The following ZNF518A variants were observed in gnomAD, a reference collection of about 807,000 sequenced individuals.
The protein encoded by ZNF518A is zinc finger protein 518.
In ZNF518A, 47 loss-of-function variants were observed where a neutral mutation model predicts 102.7. The ratio of observed to expected loss-of-function variants is 0.46; its 90% CI spans 0.36 to 0.58. The LOEUF (loss-of-function observed/expected upper bound fraction) is 0.58, where lower values mean the gene tolerates loss of function less well. Among genes scored for constraint, ZNF518A ranks in the 20% least tolerant of loss-of-function variants. The pLI is 0.00. For synonymous variants in ZNF518A, 652 were observed against 594.6 expected, an observed-to-expected ratio of 1.10 and a Z score of -1.40; for missense variants, 1,793 against 1,699.8, an observed-to-expected ratio of 1.05 and a Z score of -0.96.
chr10:96,185,358 G>A (rs782659002), intron 1 of ZNF518A, among the ~76,000 whole-genome samples: 86 of 152,290 alleles, frequency 5.6e-4, no homozygotes, highest in Non-Finnish European at 1.1e-3. Context: ...GCGAGGAGAG[G>A]AGCTGCAATC....
intron 1 of ZNF518A, chr10:96,196,837 C>CTA (rs1187800609): frequency 6.9e-7 from 1 of 1,458,096 alleles, no homozygotes; most frequent in Non-Finnish European, 9.6e-7. Flanking sequence ...TCTCTAGCAT[C>CTA]TAATACAGTA....
In ZNF518A at chr10:96,162,363, G is replaced by C. The variant is rs1354039468; in HGVS notation, c.*1589G>C. On this transcript the variant is annotated 3_prime_UTR_variant, in exon 6 of 6. Transcript: ENST00000316045. ...TTTTTGAGGTAAATTCGTTCTTCAG[G>C]GATTGAACACTATTGTTAGCAAGTG... 6.0e-6 allele frequency: 1 copy of C among 166,640 alleles called. No individual in the cohort carries two copies. Among genetic ancestry groups the C allele is most frequent in the Non-Finnish European group, 1.5e-5 (1 of 67,992 alleles). The allele number at this position is 166,640 out of a possible 1,614,324, so 10.3% of individuals were successfully genotyped here.
At chr10:96,132,793 C>T (rs2081403634) in intron 2 of ZNF518A, 123 bp downstream of exon 2, 2 of 151,918 alleles carry the variant, frequency 1.3e-5, no homozygotes, top group African/African-American at 2.4e-5. Flanking sequence ...ATCCAGAATG[C>T]AAAATTTTTT....
chr10:96,131,582 G>T (rs1413096405), intron 1 of ZNF518A, among the ~76,000 whole-genome samples: 1 of 152,158 alleles, frequency 6.6e-6, no homozygotes, highest in Non-Finnish European at 1.5e-5. Context: ...GCCAACAAAA[G>T]GGGAGAATAA....
chr10:96,140,086 G>C lies in ZNF518A; in HGVS notation c.-302+6438G>C, dbSNP rs112879630. ...TTGGTCAGGCTGGTCTCAAACTCCC[G>C]ACCTCAGGTGATCCACCTGCCTCAG... is the stretch of plus-strand genomic sequence containing the variant. On this transcript the variant is annotated intron_variant, in intron 3 of 5. Transcript: ENST00000316045. 3.7e-4 allele frequency among the ~76,000 whole-genome samples: 57 copies of C among 152,158 alleles called. 2 individuals carry two copies. The highest frequency in any genetic ancestry group is 1.3e-3 in the African/African-American group (54 of 41,494).
At chr10:96,149,696 T>G (rs987617340) in intron 3 of ZNF518A, among the ~76,000 whole-genome samples, 4 of 152,226 alleles carry the variant, frequency 2.6e-5, no homozygotes, top group Non-Finnish European at 5.9e-5. Flanking sequence ...TATCCAAAAT[T>G]TTGTTGCTAT....
At position 96,160,808 on chromosome 10, in the gene ZNF518A, A is replaced by G; in HGVS notation, c.*34A>G. 3 of 1,486,806 alleles carry G rather than the reference A, an allele frequency of 2.0e-6. No homozygotes were observed. The highest frequency in any genetic ancestry group is 2.7e-6 in the Non-Finnish European group (3 of 1,121,926). The allele number at this position is 1,486,806 out of a possible 1,614,324, so 92.1% of individuals were successfully genotyped here. ...AATTACCAAGGAAAAGAAAAGTAAA[A>G]TTACCTTAGAAGAAAACAACGGGTT... is the stretch of plus-strand genomic sequence containing the variant. On this transcript the variant is annotated 3_prime_UTR_variant, in exon 6 of 6. Coordinates refer to ENST00000316045, the MANE Select transcript of ZNF518A (RefSeq NM_001330736.2).
At chr10:96,138,771 C>A (rs1339956671) in intron 3 of ZNF518A, among the ~76,000 whole-genome samples, 1 of 152,120 alleles carries the variant, frequency 6.6e-6, no homozygotes. Flanking sequence ...GGCAGCATCC[C>A]ACATGCTGGT....
At position 96,157,735 on chromosome 10, in the gene ZNF518A, C is replaced by T. The variant is rs782147596; in HGVS notation, c.1413C>T (p.Gly471=). The change falls in exon 6 of 6, where the codon GGC becomes GGT. Residue 471 remains glycine (G), a synonymous_variant. Coordinates refer to ENST00000316045, the MANE Select transcript of ZNF518A (RefSeq NM_001330736.2). The part of the protein sequence containing the change: ...VPIKQNVCSP[G]SQSGAAKDGT... ...TCAAACAAAATGTATGTTCACCAGGCTCACAGTCAGGTGCTGCAAAGGACG... is the reference window on the plus strand; with the variant it reads ...TCAAACAAAATGTATGTTCACCAGGTTCACAGTCAGGTGCTGCAAAGGACG... 3 of 1,613,882 alleles carry T rather than the reference C, an allele frequency of 1.9e-6. No individual in the cohort carries two copies. The South Asian group carries it at 3.3e-5, about 18-fold the overall frequency.
chr10:96,137,737 C>G (rs2081678154), intron 3 of ZNF518A, among the ~76,000 whole-genome samples: 1 of 151,916 alleles, frequency 6.6e-6, no homozygotes, highest in South Asian at 2.1e-4. Flanking sequence ...TTGTTTATTC[C>G]CCCTGGTGAT....
At chr10:96,166,521 C>G (rs1554890379), downstream of ZNF518A, among the ~76,000 whole-genome samples, 2 of 152,082 alleles carry the variant, frequency 1.3e-5, no homozygotes, top group African/African-American at 4.8e-5. Context: ...GTAATCCCAG[C>G]ACTCTGGGAG....
rs781881941 is a variant in ZNF518A, at chr10:96,192,109, T to C, written n.36-11465T>C. ...TCCAAAGTACTAGAGGAAGAAAACA[T>C]AGATGAATTATACTTTGGCATTTGT... is the stretch of plus-strand genomic sequence containing the variant. On this transcript the variant is annotated intron_variant and non_coding_transcript_variant, in intron 1 of 2. Transcript: ENST00000442635. 47 of 1,613,126 alleles carry C rather than the reference T, an allele frequency of 2.9e-5. No individual in the cohort carries two copies. Among genetic ancestry groups the C allele is most frequent in the Admixed American group, 1.3e-4 (8 of 60,000 alleles).
In ZNF518A at chr10:96,200,286, T is replaced by A; in HGVS notation, n.36-3288T>A. 1.5e-6 allele frequency: 1 copy of A among 652,188 alleles called. No individual in the cohort carries two copies. The highest frequency in any genetic ancestry group is 2.7e-6 in the Non-Finnish European group (1 of 369,574). The allele number at this position is 652,188 out of a possible 1,614,324, so 40.4% of individuals were successfully genotyped here. A position where few individuals can be genotyped will look rare whatever the true frequency, so the allele number is the denominator to read the frequency against. ...TACATTTACACCAATAATTTTAAGA[T>A]GAGTTTTATTTTTCCTTTGATCAAA... On this transcript the variant is annotated intron_variant and non_coding_transcript_variant, in intron 1 of 2. Transcript: ENST00000442635. The surrounding 1 kb of genome is among the most constrained non-coding windows in gnomAD (Gnocchi z 4.3).
intron 1 of ZNF518A, chr10:96,190,196 G>T (rs1207377582): frequency 2.6e-6 from 2 of 779,766 alleles, no homozygotes; most frequent in South Asian, 1.3e-5. Context: ...GGGGGCTCAC[G>T]TCCATGTCCA....
intron 1 of ZNF518A, chr10:96,197,205 C>T (rs1489797383): frequency 5.1e-5 from 32 of 627,318 alleles, no homozygotes; most frequent in South Asian, 3.6e-4. Flanking sequence ...TATTGATTAG[C>T]GCTTGTCTTC....
rs587775290 is a variant in ZNF518A at position 96,149,934 on chromosome 10, T to G, written c.-301-5392T>G. ...TTTCCCTCACATATGGGAGCTTTTC[T>G]GGATGTGAAATTAATCTTGGGTTAC... On this transcript the variant is annotated intron_variant, in intron 3 of 5. Transcript: ENST00000316045. Among the ~76,000 whole-genome samples the G allele has an allele frequency of 4.6e-5, 7 of 152,298 alleles. No homozygotes were observed. In the South Asian group the frequency reaches 1.5e-3, roughly 32 times the overall value.
At position 96,148,804 on chromosome 10, in the gene ZNF518A, C is replaced by T. The variant is rs587760769; in HGVS notation, c.-301-6522C>T. ...GGTCTCGGCTCACTGCAAGCTCTGC[C>T]TCCCAGGTTCACACCATTCTCCTGC... On this transcript the variant is annotated intron_variant, in intron 3 of 5. Coordinates refer to ENST00000316045, the MANE Select transcript of ZNF518A (RefSeq NM_001330736.2). 2.6e-5 allele frequency among the ~76,000 whole-genome samples: 4 copies of T among 152,336 alleles called. No individual in the cohort carries two copies. The East Asian group carries it at 7.7e-4, about 29-fold the overall frequency.
chr10:96,146,777 ATTCTGAC>A (rs2082192057), intron 3 of ZNF518A, among the ~76,000 whole-genome samples: 1 of 152,188 alleles, frequency 6.6e-6, no homozygotes, highest in Admixed American at 6.6e-5. Context: ...TGAAACTACC[ATTCTGAC>A]TTTTGGTATT....
At chr10:96,143,416 A>G (rs587735190) in intron 3 of ZNF518A, among the ~76,000 whole-genome samples, 50 of 152,276 alleles carry the variant, frequency 3.3e-4, no homozygotes, top group Admixed American at 7.2e-4. Flanking sequence ...CTTAGGAGAA[A>G]AATACTTTTC....
Sources: allele counts gnomAD v4.1 joint callset (sites outside exome capture counted in the v4.1 genomes callset), GRCh38; gene constraint gnomAD v4.1.1; non-coding constraint Gnocchi (gnomAD v3.1); transcripts MANE v1.5; gene names NCBI Gene and HGNC (gene_info 2026-07-23, HGNC 2026-07-21).